The following ACOX2 variants were observed in gnomAD, a reference collection of about 807,000 sequenced individuals.
ACOX2 encodes acyl-CoA oxidase 2, also known as peroxisomal acyl-coenzyme A oxidase 2.
ACOX2 carries 59 observed loss-of-function variants against 77.5 expected under a neutral mutation model. The ratio of observed to expected loss-of-function variants is 0.76; its 90% CI spans 0.62 to 0.95. The LOEUF is 0.95. ACOX2 is among the 40% of genes least tolerant of loss of function. The pLI is 0.00. For synonymous variants in ACOX2, 317 were observed against 340.1 expected, an observed-to-expected ratio of 0.93 and a Z score of 0.75; for missense variants, 837 against 880.4, an observed-to-expected ratio of 0.95 and a Z score of 0.62.
At chr3:58,508,856 T>A in intron 14 of ACOX2, 37 bp downstream of exon 14, 1 of 1,608,840 alleles carries the variant, frequency 6.2e-7, no homozygotes, top group Non-Finnish European at 8.5e-7. Context: ...TGTTCTCTGC[T>A]TTCTTACATA....
rs2063388147 is a variant in ACOX2, at chr3:58,525,550, G to T, written c.1346+916C>A. ...GCGATGCTAAAGCGAGCAAGGTAGG[G>T]GTAGTCCCTGCCCTCAGGGAGCTCC... On this transcript the variant is annotated intron_variant, in intron 10 of 14. Transcript: ENST00000302819. The surrounding 1 kb of genome is among the most constrained non-coding windows in gnomAD (Gnocchi z 5.0). Among the ~76,000 whole-genome samples the T allele has an allele frequency of 6.6e-6, 1 of 152,342 alleles. No individual in the cohort carries two copies. The highest frequency in any genetic ancestry group is 3.4e-3 in the Middle Eastern group (1 of 294).
Position 58,519,998 on chromosome 3 carries a change from G to A in ACOX2, c.1632+2498C>T, listed in dbSNP as rs1255685139. Reference sequence around the variant, plus strand: ...CCAGGGGCCTGGGCCTTAAAAAGCAGGATGAGGATCAGAGACAGAGGTGAC... The same window carrying A: ...CCAGGGGCCTGGGCCTTAAAAAGCAAGATGAGGATCAGAGACAGAGGTGAC... On this transcript the variant is annotated intron_variant, in intron 12 of 14. Coordinates refer to ENST00000302819, the MANE Select transcript of ACOX2 (RefSeq NM_003500.4). The surrounding 1 kb of genome is among the most constrained non-coding windows in gnomAD (Gnocchi z 5.0). Among the ~76,000 whole-genome samples, 1 of 152,222 alleles carries A rather than the reference G, an allele frequency of 6.6e-6. No individual in the cohort carries two copies. Among genetic ancestry groups the A allele is most frequent in the Admixed American group, 6.5e-5 (1 of 15,290 alleles).
intron 5 of ACOX2, among the ~76,000 whole-genome samples, chr3:58,532,335 C>G (rs2063446448): frequency 6.6e-6 from 1 of 151,852 alleles, no homozygotes; most frequent in African/African-American, 2.4e-5. Flanking sequence ...CTCTCTCTTT[C>G]TGTCATCACT....
chr3:58,534,676 G>T lies in ACOX2; in HGVS notation c.161-154C>A. On this transcript the variant is annotated intron_variant, in intron 2 of 14. Transcript: ENST00000302819. This position sits in a 1 kb window ranked among gnomAD's most constrained non-coding sequence, Gnocchi z 4.8. ...AAACTGAGGACCAAGGTGGGAAAGT[G>T]AATTGCCCAAGGTTACAAAGCTATG... is the stretch of plus-strand genomic sequence containing the variant. 1 of 1,515,806 alleles carries T rather than the reference G, an allele frequency of 6.6e-7. No homozygotes were observed. Among genetic ancestry groups the T allele is most frequent in the Non-Finnish European group, 8.9e-7 (1 of 1,123,144 alleles). 93.9% of individuals were successfully genotyped at this position (1,515,806 alleles called of 1,614,324 possible). A position where few individuals can be genotyped will look rare whatever the true frequency, so the allele number is the denominator to read the frequency against.
chr3:58,520,215 C>G (rs995122724), intron 12 of ACOX2, among the ~76,000 whole-genome samples: 2 of 152,240 alleles, frequency 1.3e-5, no homozygotes, highest in Non-Finnish European at 2.9e-5. Flanking sequence ...CTGTTATTAG[C>G]TCTATCTTGC....
chr3:58,530,453 G>T lies in ACOX2; in HGVS notation c.992+13C>A. 1 of 1,612,376 alleles carries T rather than the reference G, an allele frequency of 6.2e-7. No individual in the cohort carries two copies. Among genetic ancestry groups the T allele is most frequent in the South Asian group, 1.1e-5 (1 of 90,842 alleles). On this transcript the variant is annotated intron_variant, in intron 8 of 14. Transcript: ENST00000302819. ...AGCATATCTGCGGTAGTCAGTCACT[G>T]GGCACCCCTTGCCTGGGCCGGAGCC...
rs146029789 is a variant in ACOX2, at chr3:58,530,076, T to C, written c.992+390A>G. 6.0e-3 allele frequency among the ~76,000 whole-genome samples: 911 copies of C among 152,340 alleles called. 17 individuals carry two copies. The highest frequency in any genetic ancestry group is 0.021 in the African/African-American group (879 of 41,580). ...CTGACAGAATCAACTCAGCCAGCCA[T>C]AGTCTGATGCAGCTGGCAACTGGCT... On this transcript the variant is annotated intron_variant, in intron 8 of 14. Coordinates refer to ENST00000302819, the MANE Select transcript of ACOX2 (RefSeq NM_003500.4).
At position 58,529,027 on chromosome 3, in the gene ACOX2, T is replaced by A. The variant is rs535234693; in HGVS notation, c.993-71A>T. The stretch of plus-strand genomic sequence containing the variant: ...CCACCTTCCCCTATCCCCGACACCA[T>A]AAAAACCTTAAAAACAGACAGTTCC... On this transcript the variant is annotated intron_variant, in intron 8 of 14. Coordinates refer to ENST00000302819, the MANE Select transcript of ACOX2 (RefSeq NM_003500.4). 2.4e-5 allele frequency: 34 copies of A among 1,425,624 alleles called. 1 individual carries two copies. The South Asian group carries it at 5.4e-4, about 23-fold the overall frequency. 88.3% of individuals were successfully genotyped at this position (1,425,624 alleles called of 1,614,324 possible). A position where few individuals can be genotyped will look rare whatever the true frequency, so the allele number is the denominator to read the frequency against.
At chr3:58,532,637 G>T (rs1312280161) in intron 5 of ACOX2, among the ~76,000 whole-genome samples, 1 of 152,028 alleles carries the variant, frequency 6.6e-6, no homozygotes. Flanking sequence ...CACTCACCTC[G>T]GCATCCCAAA....
At position 58,515,854 on chromosome 3, in the gene ACOX2, T is replaced by G. The variant is rs559620835; in HGVS notation, c.1850+1352A>C. Among the ~76,000 whole-genome samples, 1 of 152,142 alleles carries G rather than the reference T, an allele frequency of 6.6e-6. No homozygotes were observed. The highest frequency in any genetic ancestry group is 1.5e-5 in the Non-Finnish European group (1 of 68,020). ...GTGCAGTGGTGTGATCATAGCTTAC[T>G]GCAACCTCAACCTCCTGGGATCAAT... On this transcript the variant is annotated intron_variant, in intron 13 of 14. Coordinates refer to ENST00000302819, the MANE Select transcript of ACOX2 (RefSeq NM_003500.4). This position sits in a 1 kb window ranked among gnomAD's most constrained non-coding sequence, Gnocchi z 4.0.
intron 13 of ACOX2, among the ~76,000 whole-genome samples, chr3:58,510,709 T>C (rs796269267): frequency 0.042 from 299 of 7,048 alleles, 7 homozygotes; most frequent in African/African-American, 0.065. Flanking sequence ...TATATATATA[T>C]ACACACACAC....
Position 58,515,203 on chromosome 3 carries a change from T to G in ACOX2, c.1850+2003A>C, listed in dbSNP as rs2063313677. Among the ~76,000 whole-genome samples the G allele has an allele frequency of 6.6e-6, 1 of 152,202 alleles. No homozygotes were observed. Among genetic ancestry groups the G allele is most frequent in the African/African-American group, 2.4e-5 (1 of 41,444 alleles). ...ACCCAGCTAATTTTTGTATTTTTAG[T>G]AGAGACCGGGTTTCACCATGTTGGC... On this transcript the variant is annotated intron_variant, in intron 13 of 14. Transcript: ENST00000302819. This position sits in a 1 kb window ranked among gnomAD's most constrained non-coding sequence, Gnocchi z 4.0.
Position 58,522,851 on chromosome 3 carries a change from T to G in ACOX2, c.1527-250A>C. On this transcript the variant is annotated intron_variant, in intron 11 of 14. Coordinates refer to ENST00000302819, the MANE Select transcript of ACOX2 (RefSeq NM_003500.4). The surrounding 1 kb of genome is among the most constrained non-coding windows in gnomAD (Gnocchi z 4.3). ...CCAGGGTCACACAGCTAGTAAGGAG[T>G]GGAGCCAGGATTTTGACTTGTTGTT... 2.3e-6 allele frequency: 1 copy of G among 438,870 alleles called. No individual in the cohort carries two copies. The highest frequency in any genetic ancestry group is 4.2e-6 in the Non-Finnish European group (1 of 237,266). The allele number at this position is 438,870 out of a possible 1,614,324, so 27.2% of individuals were successfully genotyped here. A position where few individuals can be genotyped will look rare whatever the true frequency, so the allele number is the denominator to read the frequency against.
chr3:58,506,158 A>G (rs2063232498), intron 14 of ACOX2, among the ~76,000 whole-genome samples: 1 of 152,208 alleles, frequency 6.6e-6, no homozygotes, highest in African/African-American at 2.4e-5. Flanking sequence ...CAAAGTATGT[A>G]CTTAGTAAAT....
chr3:58,536,532 A>C (rs2063482515), intron 1 of ACOX2, among the ~76,000 whole-genome samples: 1 of 152,126 alleles, frequency 6.6e-6, no homozygotes, highest in African/African-American at 2.4e-5. Context: ...GGGTGCTGGC[A>C]AGGGGCCCCA....
In ACOX2 at chr3:58,525,375, G is replaced by A. The variant is rs1051725134; in HGVS notation, c.1347-770C>T. ...CCTTGCATAGGGAAGCATTTGCCCT[G>A]TTTGTTCACCTGAGAATAGGTGAGG... is the stretch of plus-strand genomic sequence containing the variant. On this transcript the variant is annotated intron_variant, in intron 10 of 14. Transcript: ENST00000302819. The surrounding 1 kb of genome is among the most constrained non-coding windows in gnomAD (Gnocchi z 5.0). Among the ~76,000 whole-genome samples the A allele has an allele frequency of 1.3e-5, 2 of 152,242 alleles. No individual in the cohort carries two copies. Among genetic ancestry groups the A allele is most frequent in the Non-Finnish European group, 2.9e-5 (2 of 68,028 alleles).
intron 12 of ACOX2, 53 bp from the exon 13 acceptor site, chr3:58,517,476 G>T: frequency 1.3e-6 from 2 of 1,551,002 alleles, no homozygotes. Context: ...TACTCCAGAA[G>T]TCACCCTGGA....
intron 13 of ACOX2, among the ~76,000 whole-genome samples, chr3:58,510,247 C>A (rs1387323618): frequency 1.3e-5 from 2 of 152,038 alleles, no homozygotes; most frequent in Non-Finnish European, 2.9e-5. Flanking sequence ...ATCATATGAG[C>A]CCTACCGCCA....
At chr3:58,527,365 G>A (rs1199558597) in intron 9 of ACOX2, among the ~76,000 whole-genome samples, 2 of 151,900 alleles carry the variant, frequency 1.3e-5, no homozygotes, top group Non-Finnish European at 2.9e-5. Flanking sequence ...GTGAAACCCC[G>A]TCTCTACTAA....
Sources: gnomAD v4.1 joint callset for allele counts (sites outside exome capture counted in the v4.1 genomes callset) on GRCh38, gnomAD v4.1.1 for gene constraint, Gnocchi (gnomAD v3.1) non-coding constraint, MANE v1.5 for transcripts, NCBI Gene and HGNC (gene_info 2026-07-23, HGNC 2026-07-21) for gene names.